The following DOCK3 variants were observed in gnomAD, a reference collection of about 807,000 sequenced individuals.
The protein encoded by DOCK3 is dedicator of cytokinesis protein 3.
A neutral mutation model predicts 265.6 loss-of-function variants in DOCK3; 60 were observed. That is an observed-to-expected ratio of 0.23 (90% CI 0.18 to 0.28). The LOEUF (loss-of-function observed/expected upper bound fraction) is 0.28, where lower values mean the gene tolerates loss of function less well. Among genes scored for constraint, DOCK3 ranks in the 10% least tolerant of loss-of-function variants. The pLI is 1.00. For synonymous variants in DOCK3, 881 were observed against 938.0 expected, an observed-to-expected ratio of 0.94 and a Z score of 1.11; for missense variants, 1,981 against 2,594.3, an observed-to-expected ratio of 0.76 and a Z score of 5.14.
chr3:51,246,815 AC>A lies in DOCK3; in HGVS notation c.2184+9del. The A allele has an allele frequency of 6.2e-7, 1 of 1,611,514 alleles. No homozygotes were observed. Among genetic ancestry groups the A allele is most frequent in the East Asian group, 2.2e-5 (1 of 44,858 alleles). On this transcript the variant is annotated intron_variant, in intron 22 of 52. Transcript: ENST00000266037. ...ATTCAAGAAGCTATGCGGGTAATGT[AC>A]TAACCTCTCCATACATAAGAGACCC...
chr3:50,795,929 T>C (rs13075377), intron 2 of DOCK3, among the ~76,000 whole-genome samples: 14,354 of 152,280 alleles, frequency 0.094, 842 homozygotes, highest in Non-Finnish European at 0.12. Context: ...GGTTGGGTTT[T>C]GACATACTCT....
At chr3:50,903,354 T>C (rs1335779691) in intron 4 of DOCK3, among the ~76,000 whole-genome samples, 2 of 152,196 alleles carry the variant, frequency 1.3e-5, no homozygotes, top group Non-Finnish European at 2.9e-5. Flanking sequence ...ATACCTAGTT[T>C]ATTGAGAGTT....
chr3:51,181,383 C>T (rs558375804), intron 12 of DOCK3, among the ~76,000 whole-genome samples: 35 of 147,014 alleles, frequency 2.4e-4, no homozygotes, highest in African/African-American at 8.3e-4. Context: ...TGAGAACATG[C>T]GGTGTTTGGT....
chr3:51,016,636 G>GTTT (rs1269374636), intron 5 of DOCK3, among the ~76,000 whole-genome samples: 2 of 14,534 alleles, frequency 1.4e-4, no homozygotes, highest in African/African-American at 1.1e-3. Flanking sequence ...TAATATATAT[G>GTTT]ATATATATTT....
rs554874961 is a variant in DOCK3 at position 51,112,196 on chromosome 3, A to G, written c.746+21812A>G. ...AACAGAACTACCATTTGACTAAGCA[A>G]TCCCATTACTGGGTACATACCCAGA... On this transcript the variant is annotated intron_variant, in intron 9 of 52. Transcript: ENST00000266037. Among the ~76,000 whole-genome samples the G allele has an allele frequency of 7.2e-5, 11 of 152,312 alleles. No individual in the cohort carries two copies. The East Asian group carries it at 1.9e-3, about 27-fold the overall frequency.
chr3:51,345,806 C>A (rs931805958), intron 38 of DOCK3, among the ~76,000 whole-genome samples: 9 of 152,140 alleles, frequency 5.9e-5, no homozygotes, highest in Non-Finnish European at 1.0e-4. Flanking sequence ...ACAGTGTTTT[C>A]CTTCTCCTTG....
intron 1 of DOCK3, among the ~76,000 whole-genome samples, chr3:50,724,043 A>C (rs1392834851): frequency 6.6e-6 from 1 of 152,234 alleles, no homozygotes; most frequent in African/African-American, 2.4e-5. Context: ...GGATATGAAA[A>C]GACACTTCTC....
chr3:50,721,490 G>A (rs2037471102), intron 1 of DOCK3, among the ~76,000 whole-genome samples: 1 of 152,186 alleles, frequency 6.6e-6, no homozygotes, highest in South Asian at 2.1e-4. Flanking sequence ...TCAAATTTCA[G>A]ATGGTTGTAA....
At chr3:50,703,698 G>T (rs933341436) in intron 1 of DOCK3, among the ~76,000 whole-genome samples, 1 of 150,140 alleles carries the variant, frequency 6.7e-6, no homozygotes, top group Non-Finnish European at 1.5e-5. Flanking sequence ...ACTTATTTGG[G>T]TTTTCTCGGT....
At chr3:51,073,404 T>C (rs2081954795) in intron 6 of DOCK3, among the ~76,000 whole-genome samples, 1 of 152,252 alleles carries the variant, frequency 6.6e-6, no homozygotes, top group Admixed American at 6.5e-5. Flanking sequence ...TGCCTTTGCA[T>C]GCTCTAAGTG....
At chr3:51,141,963 T>A (rs2085085266) in intron 9 of DOCK3, among the ~76,000 whole-genome samples, 1 of 150,806 alleles carries the variant, frequency 6.6e-6, no homozygotes, top group African/African-American at 2.5e-5. Flanking sequence ...TTTTTGGAAG[T>A]GGTTTTTTTT....
intron 12 of DOCK3, among the ~76,000 whole-genome samples, chr3:51,193,679 C>G (rs1051335588): frequency 1.3e-5 from 2 of 151,736 alleles, no homozygotes; most frequent in South Asian, 2.1e-4. Context: ...TTTATTTTCT[C>G]TAGGTGTTTC....
intron 12 of DOCK3, among the ~76,000 whole-genome samples, chr3:51,165,394 A>T (rs1377396492): frequency 3.3e-5 from 5 of 152,266 alleles, no homozygotes; most frequent in Admixed American, 1.3e-4. Context: ...TCGGATGATT[A>T]CCACATTCAA....
chr3:50,978,494 C>T (rs2077559346), intron 5 of DOCK3, among the ~76,000 whole-genome samples: 1 of 152,210 alleles, frequency 6.6e-6, no homozygotes, highest in South Asian at 2.1e-4. Flanking sequence ...AGGAGGCAGT[C>T]TGCCCGTTCT....
Position 51,035,432 on chromosome 3 carries a change from T to C in DOCK3, c.316-29016T>C, listed in dbSNP as rs372866849. ...TCTAAAATTTCCAAATAATTCTTTT[T>C]TATAATTTCTTTTGAGATTTCTTAT... On this transcript the variant is annotated intron_variant, in intron 5 of 52. Transcript: ENST00000266037. Among the ~76,000 whole-genome samples, 7 of 152,282 alleles carry C rather than the reference T, an allele frequency of 4.6e-5. 2 individuals carry two copies. Among genetic ancestry groups the C allele is most frequent in the African/African-American group, 1.7e-4 (7 of 41,586 alleles).
chr3:50,988,627 G>T (rs1271162920), intron 5 of DOCK3, among the ~76,000 whole-genome samples: 1 of 152,152 alleles, frequency 6.6e-6, no homozygotes, highest in Non-Finnish European at 1.5e-5. Context: ...ACCTACAGGT[G>T]CCTTCAGGCT....
Position 50,916,249 on chromosome 3 carries a change from A to G in DOCK3, c.219-17732A>G, listed in dbSNP as rs911388142. Among the ~76,000 whole-genome samples, 46 of 151,862 alleles carry G rather than the reference A, an allele frequency of 3.0e-4. 1 individual carries two copies. The highest frequency in any genetic ancestry group is 2.1e-4 in the Non-Finnish European group (14 of 67,990). ...CAGGGTGTTAATGTGTGTTCCTGGG[A>G]TCCTTTAGCTTAACTCCTTACTGTT... On this transcript the variant is annotated intron_variant, in intron 4 of 52. Coordinates refer to ENST00000266037, the MANE Select transcript of DOCK3 (RefSeq NM_004947.5).
chr3:50,917,245 G>T (rs68096338), intron 4 of DOCK3, among the ~76,000 whole-genome samples: 14,365 of 152,072 alleles, frequency 0.094, 853 homozygotes, highest in Non-Finnish European at 0.12. Flanking sequence ...AGTTAATGTA[G>T]AGATTAACCA....
At position 51,381,055 on chromosome 3, in the gene DOCK3, T is replaced by C; in HGVS notation, c.5589T>C (p.Pro1863=). Residue 1863 remains proline (P), a synonymous_variant, in exon 53 of 53, where the codon CCT becomes CCC. Transcript: ENST00000266037. This position sits in a 1 kb window ranked among gnomAD's most constrained non-coding sequence, Gnocchi z 5.6. Reference sequence around the variant, plus strand: ...GCCCACCCTTTCCTTCGCAGTCTCCTCTCCACCCTATCCCAGCCTCCCCCA... The same window carrying C: ...GCCCACCCTTTCCTTCGCAGTCTCCCCTCCACCCTATCCCAGCCTCCCCCA... ...ALPARTLRKS[P]LHPIPASPTS... The C allele has an allele frequency of 1.9e-6, 3 of 1,595,994 alleles. No homozygotes were observed. Among genetic ancestry groups the C allele is most frequent in the Non-Finnish European group, 2.6e-6 (3 of 1,168,892 alleles).
Sources: gnomAD v4.1 joint callset for allele counts (sites outside exome capture counted in the v4.1 genomes callset) on GRCh38, gnomAD v4.1.1 for gene constraint, Gnocchi (gnomAD v3.1) non-coding constraint, MANE v1.5 for transcripts, NCBI Gene and HGNC (gene_info 2026-07-23, HGNC 2026-07-21) for gene names.